NCALD: variants seen among roughly 807,000 people sequenced by gnomAD.
NCALD encodes neurocalcin delta, also known as neurocalcin-delta.
Under a neutral mutation model 18.6 loss-of-function variants are expected in NCALD, and 10 were observed. The observed-to-expected ratio is 0.54, with a 90% confidence interval of 0.33 to 0.91. The LOEUF (loss-of-function observed/expected upper bound fraction) is 0.91. Among genes scored for constraint, NCALD ranks in the 40% least tolerant of loss-of-function variants. NCALD has a pLI of 0.03. For synonymous variants in NCALD, 88 were observed against 87.4 expected (o/e 1.01, Z -0.04); for missense variants, 184 against 247.6 (o/e 0.74, Z 1.72).
At chr8:101,760,708 A>C (rs1811076932) in intron 1 of NCALD, among the ~76,000 whole-genome samples, 2 of 152,192 alleles carry the variant, frequency 1.3e-5, no homozygotes, top group Non-Finnish European at 2.9e-5. Context: ...TATGTTATTG[A>C]ATCTATCTCA....
intron 1 of NCALD, among the ~76,000 whole-genome samples, chr8:101,742,579 T>G (rs913982033): frequency 6.6e-6 from 1 of 152,218 alleles, no homozygotes; most frequent in African/African-American, 2.4e-5. Flanking sequence ...TGATCAAATC[T>G]GAGTTGAATC....
In NCALD at chr8:102,114,280, C is replaced by T. The variant is rs73281504; in HGVS notation, c.-210+9957G>A. ...ACCAGGAGCTGGCCCAGCAGAGTCA[C>T]GTGTTATCACAGCCATCAGCTTCTC... On this transcript the variant is annotated intron_variant, in intron 1 of 6. Transcript: ENST00000311028. Among the ~76,000 whole-genome samples, 862 of 152,350 alleles carry T rather than the reference C, an allele frequency of 5.7e-3. 14 individuals carry two copies. The highest frequency in any genetic ancestry group is 0.019 in the African/African-American group (801 of 41,576).
At chr8:102,121,574 T>C (rs576301364) in intron 1 of NCALD, among the ~76,000 whole-genome samples, 5 of 152,232 alleles carry the variant, frequency 3.3e-5, no homozygotes, top group Non-Finnish European at 7.3e-5. Flanking sequence ...ATGTGTGTTA[T>C]AAACTTCACC....
chr8:102,081,433 C>T (rs1351042994), intron 1 of NCALD, among the ~76,000 whole-genome samples: 1 of 150,664 alleles, frequency 6.6e-6, no homozygotes, highest in Non-Finnish European at 1.5e-5. Context: ...TCGTTGGTAA[C>T]ACACTGATGG....
chr8:101,878,886 G>GA (rs1816343165), intron 4 of NCALD, among the ~76,000 whole-genome samples: 1 of 152,174 alleles, frequency 6.6e-6, no homozygotes, highest in African/African-American at 2.4e-5. Flanking sequence ...TCAATGCCAT[G>GA]TCCTATGATT....
chr8:102,058,563 G>A (rs1044616364), intron 1 of NCALD, among the ~76,000 whole-genome samples: 2 of 152,170 alleles, frequency 1.3e-5, no homozygotes, highest in African/African-American at 4.8e-5. Flanking sequence ...GAGCATCGCT[G>A]TTCCATTTTG....
At chr8:101,741,882 A>G in intron 1 of NCALD, among the ~76,000 whole-genome samples, 1 of 146,694 alleles carries the variant, frequency 6.8e-6, no homozygotes, top group East Asian at 2.0e-4. Context: ...GGCTGCAGCA[A>G]GCCATGATGG....
Position 101,901,461 on chromosome 8 carries a change from G to A in NCALD, c.-106-14234C>T, listed in dbSNP as rs116402600. On this transcript the variant is annotated intron_variant, in intron 3 of 6. Coordinates refer to the NCALD transcript ENST00000311028. The stretch of plus-strand genomic sequence containing the variant: ...TTTTGATTTTCTAGACTTATTGTGG[G>A]TATTTAGGACTTTTTAAGAATTCCA... Among the ~76,000 whole-genome samples, 1,131 of 151,994 alleles carry A rather than the reference G, an allele frequency of 7.4e-3. 8 individuals carry two copies. Among genetic ancestry groups the A allele is most frequent in the African/African-American group, 0.026 (1,069 of 41,478 alleles).
chr8:101,803,130 C>T (rs1812933028), intron 4 of NCALD, among the ~76,000 whole-genome samples: 1 of 152,156 alleles, frequency 6.6e-6, no homozygotes, highest in South Asian at 2.1e-4. Flanking sequence ...CAGGCTGACT[C>T]TTTGTTAGGA....
At chr8:101,725,579 C>T (rs1317364299) in intron 1 of NCALD, among the ~76,000 whole-genome samples, 1 of 152,246 alleles carries the variant, frequency 6.6e-6, no homozygotes, top group Non-Finnish European at 1.5e-5. Flanking sequence ...CTGGTTAACA[C>T]TTAGCCATCC....
At chr8:101,829,294 T>C (rs1342214936) in intron 4 of NCALD, among the ~76,000 whole-genome samples, 5 of 152,254 alleles carry the variant, frequency 3.3e-5, no homozygotes, top group Non-Finnish European at 5.9e-5. Context: ...ATCCCTTTAA[T>C]ATTTTGATAG....
chr8:101,997,750 C>T (rs1475698557), intron 2 of NCALD, among the ~76,000 whole-genome samples: 1 of 152,098 alleles, frequency 6.6e-6, no homozygotes, highest in African/African-American at 2.4e-5. Context: ...ATCCTGGGAC[C>T]AGGTTTGGTT....
chr8:101,864,793 A>G (rs478189), intron 4 of NCALD, among the ~76,000 whole-genome samples: 40,340 of 151,802 alleles, frequency 0.27, 5,777 homozygotes, highest in East Asian at 0.38. Flanking sequence ...ACGGGGTTTC[A>G]CCATGTTGGC....
chr8:102,106,535 T>C (rs992042440), intron 1 of NCALD, among the ~76,000 whole-genome samples: 1 of 151,782 alleles, frequency 6.6e-6, no homozygotes, highest in Non-Finnish European at 1.5e-5. Context: ...CTCAGATGTG[T>C]GGACACATCC....
At chr8:101,837,438 A>G (rs1563814004) in intron 4 of NCALD, among the ~76,000 whole-genome samples, 1 of 152,254 alleles carries the variant, frequency 6.6e-6, no homozygotes, top group Non-Finnish European at 1.5e-5. Flanking sequence ...ATATCTACAC[A>G]GTTCAATCAT....
chr8:102,097,466 C>T lies in NCALD; in HGVS notation c.-210+26771G>A, dbSNP rs1825139836. Among the ~76,000 whole-genome samples the T allele has an allele frequency of 2.0e-5, 3 of 152,278 alleles. No individual in the cohort carries two copies. The South Asian group carries it at 6.2e-4, about 32-fold the overall frequency. ...TGACCATATTATTACTTGCTTTTGGCTTTGTGCTGTGTGGCTTGCTCTGTG... is the reference window on the plus strand; with the variant it reads ...TGACCATATTATTACTTGCTTTTGGTTTTGTGCTGTGTGGCTTGCTCTGTG... On this transcript the variant is annotated intron_variant, in intron 1 of 6. Transcript: ENST00000311028.
chr8:101,874,544 A>T (rs563323160), intron 4 of NCALD, among the ~76,000 whole-genome samples: 89 of 151,462 alleles, frequency 5.9e-4, no homozygotes, highest in East Asian at 2.7e-3. Context: ...TCAAAAAAAA[A>T]TTTTTTTTTC....
At chr8:101,697,653 T>C (rs1043264543) in intron 2 of NCALD, among the ~76,000 whole-genome samples, 4 of 152,096 alleles carry the variant, frequency 2.6e-5, no homozygotes, top group African/African-American at 4.8e-5. Flanking sequence ...TGCAAATAAA[T>C]AAACATAATC....
intron 4 of NCALD, among the ~76,000 whole-genome samples, chr8:101,835,630 C>T (rs1202743365): frequency 2.2e-4 from 34 of 152,176 alleles, no homozygotes; most frequent in Admixed American, 2.2e-3. Flanking sequence ...TAGGGCAGGG[C>T]TAGAAATGAC....
Sources: allele counts gnomAD v4.1 joint callset (sites outside exome capture counted in the v4.1 genomes callset), GRCh38; gene constraint gnomAD v4.1.1; transcripts MANE v1.5; gene names NCBI Gene and HGNC (gene_info 2026-07-23, HGNC 2026-07-21).